The following RHOBTB3 variants were observed in gnomAD, a reference collection of about 807,000 sequenced individuals.
The protein encoded by RHOBTB3 is rho-related BTB domain-containing protein 3.
In RHOBTB3, 47 loss-of-function variants were observed where a neutral mutation model predicts 67.2. That is an observed-to-expected ratio of 0.70 (90% CI 0.55 to 0.89). The LOEUF is 0.89. RHOBTB3 is among the 40% of genes least tolerant of loss of function. The pLI, the probability that RHOBTB3 is intolerant of heterozygous loss-of-function variation, is 0.00. For missense variants in RHOBTB3, 631 were observed against 750.0 expected (o/e 0.84, Z 1.85); for synonymous variants, 273 against 274.2 (o/e 1.00, Z 0.04).
intron 10 of RHOBTB3, among the ~76,000 whole-genome samples, chr5:95,787,985 G>A (rs1196953976): frequency 6.6e-6 from 1 of 152,182 alleles, no homozygotes; most frequent in Non-Finnish European, 1.5e-5. Flanking sequence ...TACACTTAAG[G>A]ATTGTTAAAA....
chr5:95,732,306 T>C, intron 2 of RHOBTB3: 1 of 609,746 alleles, frequency 1.6e-6, no homozygotes, highest in Admixed American at 2.9e-5. Flanking sequence ...AGTGGGAATG[T>C]GGAGCACTTA....
intron 10 of RHOBTB3, among the ~76,000 whole-genome samples, chr5:95,785,611 G>A (rs1283147644): frequency 6.6e-6 from 1 of 151,236 alleles, no homozygotes; most frequent in Non-Finnish European, 1.5e-5. Flanking sequence ...AAAAAAAATT[G>A]AGTAACACTG....
At position 95,794,205 on chromosome 5, in the gene RHOBTB3, AACAAATACTTTCTTG is replaced by A; in HGVS notation, c.*1033_*1047del. ...CACAGTTCTTGCTCTATCATAGATG[AACAAATACTTTCTTG>A]ATCATTCTGTAAGACCAGGAGGTTG... is the stretch of plus-strand genomic sequence containing the variant. On this transcript the variant is annotated 3_prime_UTR_variant, in exon 12 of 12. Transcript: ENST00000379982. The A allele has an allele frequency of 3.2e-6, 1 of 317,304 alleles. No individual in the cohort carries two copies. Among genetic ancestry groups the A allele is most frequent in the South Asian group, 2.6e-5 (1 of 38,668 alleles). 19.7% of individuals were successfully genotyped at this position (317,304 alleles called of 1,614,324 possible).
Position 95,757,008 on chromosome 5 carries a change from G to A in RHOBTB3, c.1048+1247G>A, listed in dbSNP as rs562483613. Among the ~76,000 whole-genome samples the A allele has an allele frequency of 9.5e-4, 145 of 152,270 alleles. 3 individuals are homozygous for A. Among genetic ancestry groups the A allele is most frequent in the Middle Eastern group, 6.8e-3 (2 of 294 alleles). ...GTTTGACTCTTAGGTTTTGTAGGGC[G>A]TGAAAGAGAGAATTGCATTCAGCTT... On this transcript the variant is annotated intron_variant, in intron 6 of 11. Coordinates refer to ENST00000379982, the MANE Select transcript of RHOBTB3 (RefSeq NM_014899.4).
chr5:95,775,561 C>T (rs994854682), intron 8 of RHOBTB3, among the ~76,000 whole-genome samples: 9 of 151,878 alleles, frequency 5.9e-5, no homozygotes, highest in African/African-American at 2.2e-4. Flanking sequence ...AAGGGCTACT[C>T]AACCTGTGCC....
chr5:95,731,218 C>T, upstream of RHOBTB3: 1 of 1,002,770 alleles, frequency 1.0e-6, no homozygotes, highest in Non-Finnish European at 1.2e-6. Flanking sequence ...GCGCGTCCCC[C>T]GCATCCGCCC....
At chr5:95,756,820 C>T (rs944314436) in intron 6 of RHOBTB3, among the ~76,000 whole-genome samples, 1 of 152,088 alleles carries the variant, frequency 6.6e-6, no homozygotes, top group Non-Finnish European at 1.5e-5. Flanking sequence ...TTGTAAAAAC[C>T]ATAATCTGCC....
At chr5:95,766,192 C>T (rs1157950247) in intron 7 of RHOBTB3, among the ~76,000 whole-genome samples, 1 of 151,896 alleles carries the variant, frequency 6.6e-6, no homozygotes, top group Non-Finnish European at 1.5e-5. Flanking sequence ...TCCCCCCTCA[C>T]CGAAGATTTT....
intron 7 of RHOBTB3, 31 bp from the exon 8 acceptor site, chr5:95,768,015 C>A (rs760294946): frequency 1.2e-6 from 2 of 1,606,092 alleles, no homozygotes; most frequent in East Asian, 2.2e-5. Context: ...TGTTAAACAA[C>A]CTTTCCCTGT....
chr5:95,762,519 AGGT>A (rs1349997668), intron 6 of RHOBTB3, among the ~76,000 whole-genome samples: 1 of 152,220 alleles, frequency 6.6e-6, no homozygotes, highest in African/African-American at 2.4e-5. Context: ...TTACCCAGAG[AGGT>A]GAAGTGACTC....
At chr5:95,723,105 C>T (rs1381318673) in intron 1 of RHOBTB3, among the ~76,000 whole-genome samples, 6 of 152,032 alleles carry the variant, frequency 3.9e-5, no homozygotes, top group Admixed American at 3.9e-4. Context: ...TCAGGGCTTC[C>T]CTGGGCCACA....
chr5:95,760,284 T>TC (rs1249934095), intron 6 of RHOBTB3, among the ~76,000 whole-genome samples: 5 of 152,238 alleles, frequency 3.3e-5, no homozygotes, highest in African/African-American at 1.2e-4. Context: ...GCCAGCCCTT[T>TC]CCTGGTCTTC....
chr5:95,794,088 G>T lies in RHOBTB3; in HGVS notation c.*914G>T. 2.2e-6 allele frequency: 1 copy of T among 455,368 alleles called. No homozygotes were observed. Among genetic ancestry groups the T allele is most frequent in the South Asian group, 1.6e-5 (1 of 64,414 alleles). 28.2% of individuals were successfully genotyped at this position (455,368 alleles called of 1,614,324 possible). ...GGAAGAGAACATAGTGAAGATTCCC[G>T]CCTTTGGGGAGGTCTGGACCACCCA... On this transcript the variant is annotated 3_prime_UTR_variant, in exon 12 of 12. Transcript: ENST00000379982.
intron 8 of RHOBTB3, among the ~76,000 whole-genome samples, chr5:95,768,546 A>G (rs796860736): frequency 6.6e-6 from 1 of 152,122 alleles, no homozygotes; most frequent in South Asian, 2.1e-4. Context: ...TATTTTATCC[A>G]GCTCTCTTCC....
chr5:95,763,411 A>G, intron 6 of RHOBTB3, 97 bp from the exon 7 acceptor site: 2 of 702,804 alleles, frequency 2.8e-6, no homozygotes, highest in Non-Finnish European at 5.0e-6. Flanking sequence ...GAAAAATTAA[A>G]GCACTAAAAA....
chr5:95,718,425 G>T (rs1167053598), intron 1 of RHOBTB3, among the ~76,000 whole-genome samples: 1 of 152,204 alleles, frequency 6.6e-6, no homozygotes, highest in Non-Finnish European at 1.5e-5. Context: ...AACGGATGTG[G>T]CTACATGCAA....
At chr5:95,731,212 G>C, upstream of RHOBTB3, 1 of 1,002,194 alleles carries the variant, frequency 1.0e-6, no homozygotes, top group Non-Finnish European at 1.2e-6. Context: ...CGGGGAGCGC[G>C]TCCCCCGCAT....
intron 6 of RHOBTB3, among the ~76,000 whole-genome samples, chr5:95,760,621 G>A (rs1411474569): frequency 6.6e-6 from 1 of 152,154 alleles, no homozygotes; most frequent in Non-Finnish European, 1.5e-5. Context: ...AGTATACCAT[G>A]CGCTCTAAAA....
chr5:95,763,614 A>G lies in RHOBTB3; in HGVS notation c.1155A>G (p.Pro385=), dbSNP rs755558215. Residue 385 remains proline, a synonymous_variant, in exon 7 of 12, where the codon CCA becomes CCG. Coordinates refer to ENST00000379982, the MANE Select transcript of RHOBTB3 (RefSeq NM_014899.4). ...AAGTTAAATGCATTTTAAAAACACC[A>G]GGAAAGGTAAGTTGATTTGTTGTAA... ...IEKVKCILKT[P]GKINCLRNCK... 3.8e-6 allele frequency: 6 copies of G among 1,566,564 alleles called. No individual in the cohort carries two copies. The highest frequency in any genetic ancestry group is 1.7e-4 in the Middle Eastern group (1 of 5,938).
Sources: allele counts gnomAD v4.1 joint callset (sites outside exome capture counted in the v4.1 genomes callset), GRCh38; gene constraint gnomAD v4.1.1; transcripts MANE v1.5; gene names NCBI Gene and HGNC (gene_info 2026-07-23, HGNC 2026-07-21).